Variants in SSH2 observed in about 807,000 individuals in gnomAD.
The protein encoded by SSH2 is slingshot protein phosphatase 2, also known as protein phosphatase Slingshot homolog 2.
A neutral mutation model predicts 135.2 loss-of-function variants in SSH2; 37 were observed. The ratio of observed to expected loss-of-function variants is 0.27; its 90% CI spans 0.21 to 0.36. The LOEUF is 0.36. Among genes scored for constraint, SSH2 ranks in the 10% least tolerant of loss-of-function variants. SSH2 has a pLI of 1.00. For missense variants in SSH2, 1,408 were observed against 1,765.3 expected (o/e 0.80, Z 3.63); for synonymous variants, 628 against 646.2 (o/e 0.97, Z 0.43).
chr17:29,646,437 T>C (rs922281115), intron 14 of SSH2, among the ~76,000 whole-genome samples: 75 of 152,140 alleles, frequency 4.9e-4, no homozygotes, highest in African/African-American at 1.8e-3. Flanking sequence ...TCTGTGTGTA[T>C]TGAGCTCATT....
intron 8 of SSH2, chr17:29,675,838 A>C (rs1229739658): frequency 6.6e-6 from 1 of 151,958 alleles, no homozygotes; most frequent in African/African-American, 2.4e-5. Context: ...AGAGAGAGAG[A>C]GAGATCTATC....
At chr17:29,701,014 A>T (rs2038954494) in intron 4 of SSH2, among the ~76,000 whole-genome samples, 1 of 151,222 alleles carries the variant, frequency 6.6e-6, no homozygotes, top group African/African-American at 2.4e-5. Context: ...TGTGTCGCCC[A>T]GGCTGGAGTG....
chr17:29,850,627 G>A (rs2065537672), intron 1 of SSH2, among the ~76,000 whole-genome samples: 1 of 152,064 alleles, frequency 6.6e-6, no homozygotes, highest in South Asian at 2.1e-4. Context: ...TTAAAACCAA[G>A]TCTCATCTGG....
At chr17:29,804,618 C>A (rs2042306858) in intron 2 of SSH2, among the ~76,000 whole-genome samples, 1 of 152,158 alleles carries the variant, frequency 6.6e-6, no homozygotes, top group Non-Finnish European at 1.5e-5. Flanking sequence ...GTTATACAGT[C>A]TTTTCTATCA....
intron 1 of SSH2, among the ~76,000 whole-genome samples, chr17:29,877,568 G>A (rs992276938): frequency 7.2e-5 from 11 of 152,142 alleles, no homozygotes; most frequent in Admixed American, 7.2e-4. Context: ...CCTGTCATTT[G>A]CAACAACATG....
At chr17:29,884,933 G>A (rs2066206441) in intron 1 of SSH2, among the ~76,000 whole-genome samples, 1 of 152,164 alleles carries the variant, frequency 6.6e-6, no homozygotes, top group Admixed American at 6.5e-5. Context: ...GCCAAAAGCA[G>A]TATTTTTTGT....
chr17:29,779,810 CAAAAAAAA>C lies in SSH2; in HGVS notation c.188+14076_188+14083del, dbSNP rs56789691. 1.4e-3 allele frequency among the ~76,000 whole-genome samples: 27 copies of C among 19,600 alleles called. No homozygotes were observed. In the East Asian group the frequency reaches 0.015, roughly 11 times the overall value. The allele number at this position is 19,600 out of a possible 152,430, so 12.9% of individuals were successfully genotyped here. A position where few individuals can be genotyped will look rare whatever the true frequency, so the allele number is the denominator to read the frequency against. On this transcript the variant is annotated intron_variant, in intron 3 of 15. Transcript: ENST00000540801. ...TGGGCGACAGAGTGAGACTCTGTCT[CAAAAAAAA>C]AAAAAAAAAAAAAAAAAAAAAAGAT...
intron 13 of SSH2, among the ~76,000 whole-genome samples, chr17:29,649,036 G>A (rs2036491094): frequency 6.6e-6 from 1 of 152,030 alleles, no homozygotes; most frequent in Non-Finnish European, 1.5e-5. Flanking sequence ...AGCTACTCAG[G>A]AGGCCGAGGC....
intron 11 of SSH2, among the ~76,000 whole-genome samples, chr17:29,658,239 T>C (rs940327611): frequency 2.0e-5 from 3 of 151,760 alleles, no homozygotes; most frequent in Non-Finnish European, 4.4e-5. Context: ...CATGACCTCA[T>C]GATCTGCCCA....
At chr17:29,819,052 C>G (rs912174913) in intron 2 of SSH2, among the ~76,000 whole-genome samples, 1 of 151,982 alleles carries the variant, frequency 6.6e-6, no homozygotes, top group Non-Finnish European at 1.5e-5. Flanking sequence ...CATGGAGACA[C>G]CCCGTCTCTA....
chr17:29,630,964 T>C lies in SSH2; in HGVS notation c.4230A>G (p.Ala1410=). The change falls in exon 16 of 16, where the codon GCA becomes GCG. Residue 1410 remains alanine, a synonymous_variant. Transcript: ENST00000540801. ...PVLQTQGLQC[A]CPAPGLAVAP... ...CCACGGCCAGCCCTGGAGCTGGGCA[T>C]GCACACTGCAGTCCCTGGGTCTGTA... 6.2e-7 allele frequency: 1 copy of C among 1,613,204 alleles called. No individual in the cohort carries two copies. Among genetic ancestry groups the C allele is most frequent in the Non-Finnish European group, 8.5e-7 (1 of 1,179,184 alleles).
Position 29,930,055 on chromosome 17 carries a change from C to T in SSH2, c.-55G>A. The T allele has an allele frequency of 8.3e-6, 2 of 241,030 alleles. No individual in the cohort carries two copies. The highest frequency in any genetic ancestry group is 1.4e-5 in the Non-Finnish European group (2 of 145,484). The allele number at this position is 241,030 out of a possible 1,614,324, so 14.9% of individuals were successfully genotyped here. A position where few individuals can be genotyped will look rare whatever the true frequency, so the allele number is the denominator to read the frequency against. On this transcript the variant is annotated 5_prime_UTR_variant, in exon 1 of 16. Coordinates refer to ENST00000540801, the MANE Select transcript of SSH2 (RefSeq NM_001282129.2). The stretch of plus-strand genomic sequence containing the variant: ...GCATTCTTGTCCTGAGTGTGGGGGA[C>T]GGGAGGGTGACGGAGCCGGGATGGG...
At chr17:29,764,708 A>C (rs916902702) in intron 3 of SSH2, among the ~76,000 whole-genome samples, 2 of 152,232 alleles carry the variant, frequency 1.3e-5, no homozygotes, top group Non-Finnish European at 2.9e-5. Flanking sequence ...CAAAATGTGA[A>C]TATTCTAAAA....
rs145421110 is a variant in SSH2 at position 29,638,192 on chromosome 17, C to T, written c.1428-1390G>A. Among the ~76,000 whole-genome samples, 31 of 149,628 alleles carry T rather than the reference C, an allele frequency of 2.1e-4. 1 individual carries two copies. In the East Asian group the frequency reaches 6.1e-3, roughly 29 times the overall value. On this transcript the variant is annotated intron_variant, in intron 14 of 15. Coordinates refer to ENST00000540801, the MANE Select transcript of SSH2 (RefSeq NM_001282129.2). ...TACTAAAAGATGAGACACCAAACAACAACAAAAAAGGATTTACATTATAAT... is the reference window on the plus strand; with the variant it reads ...TACTAAAAGATGAGACACCAAACAATAACAAAAAAGGATTTACATTATAAT...
intron 3 of SSH2, among the ~76,000 whole-genome samples, chr17:29,741,924 ATTTTTTTTTCTTTTT>A: frequency 8.9e-6 from 1 of 112,766 alleles, no homozygotes; most frequent in South Asian, 2.7e-4. Context: ...CAGCAATCTC[ATTTTTTTTTCTTTTT>A]TTTTTTTTTT....
chr17:29,628,152 T>C lies in SSH2; in HGVS notation c.*2689A>G, dbSNP rs543074728. 9 of 152,210 alleles carry C rather than the reference T, an allele frequency of 5.9e-5. No homozygotes were observed. The highest frequency in any genetic ancestry group is 1.3e-4 in the Non-Finnish European group (9 of 68,042). 9.4% of individuals were successfully genotyped at this position (152,210 alleles called of 1,614,324 possible). A position where few individuals can be genotyped will look rare whatever the true frequency, so the allele number is the denominator to read the frequency against. ...ACCTCCCCTGGACACTGCTCAGCTA[T>C]GTAAATAACCCAGGAACACCCAATT... On this transcript the variant is annotated 3_prime_UTR_variant, in exon 16 of 16. Coordinates refer to ENST00000540801, the MANE Select transcript of SSH2 (RefSeq NM_001282129.2).
intron 5 of SSH2, among the ~76,000 whole-genome samples, chr17:29,689,231 T>A (rs886516951): frequency 7.9e-5 from 12 of 152,104 alleles, no homozygotes; most frequent in African/African-American, 2.4e-4. Context: ...GCCGCAGCCA[T>A]AAGGAAAAGT....
Position 29,630,934 on chromosome 17 carries a change from G to A in SSH2, c.4260C>T (p.Pro1420=), listed in dbSNP as rs372358837. 2.5e-5 allele frequency: 41 copies of A among 1,609,286 alleles called. 1 individual carries two copies. The highest frequency in any genetic ancestry group is 3.2e-5 in the Non-Finnish European group (38 of 1,176,036). ...ACPAPGLAVA[P]RQQHGRTHPL... is the part of the protein sequence containing the mutation. ...GGTGAGTTCTGCCGTGTTGCTGACG[G>A]GGTGCCACGGCCAGCCCTGGAGCTG... Residue 1420 remains proline, a synonymous_variant, in exon 16 of 16, where the codon CCC becomes CCT. Coordinates refer to ENST00000540801, the MANE Select transcript of SSH2 (RefSeq NM_001282129.2).
intron 1 of SSH2, among the ~76,000 whole-genome samples, chr17:29,872,446 G>A (rs547094735): frequency 3.8e-4 from 58 of 152,150 alleles, no homozygotes; most frequent in Non-Finnish European, 7.2e-4. Context: ...AGTGGGTACA[G>A]GAACAATAAC....
Sources: gnomAD v4.1 joint callset for allele counts (sites outside exome capture counted in the v4.1 genomes callset) on GRCh38, gnomAD v4.1.1 for gene constraint, MANE v1.5 for transcripts, NCBI Gene and HGNC (gene_info 2026-07-23, HGNC 2026-07-21) for gene names.